Variants in PDE10A observed in about 807,000 individuals in gnomAD.
The protein encoded by PDE10A is cAMP and cAMP-inhibited cGMP 3',5'-cyclic phosphodiesterase 10A.
PDE10A carries 39 observed loss-of-function variants against 97.7 expected under a neutral mutation model. The ratio of observed to expected loss-of-function variants is 0.40; its 90% CI spans 0.31 to 0.52. The LOEUF (loss-of-function observed/expected upper bound fraction) is 0.52. Among genes scored for constraint, PDE10A ranks in the 20% least tolerant of loss-of-function variants. The pLI, the probability that PDE10A is intolerant of heterozygous loss-of-function variation, is 0.56. For synonymous variants in PDE10A, 371 were observed against 376.8 expected (o/e 0.98, Z 0.18); for missense variants, 731 against 1,047.8 (o/e 0.70, Z 4.17).
At chr6:165,539,060 T>G (rs1382329739) in intron 2 of PDE10A, among the ~76,000 whole-genome samples, 1 of 152,184 alleles carries the variant, frequency 6.6e-6, no homozygotes, top group Admixed American at 6.5e-5. Flanking sequence ...TATTTTCTTC[T>G]GAGGATGTAT....
chr6:165,632,200 CAA>C (rs71552885), intron 1 of PDE10A, among the ~76,000 whole-genome samples: 67 of 67,272 alleles, frequency 1.0e-3, no homozygotes, highest in African/African-American at 3.5e-3. Flanking sequence ...GAGTCCATCT[CAA>C]AAAAAAAAAA....
At chr6:165,607,733 A>C (rs144447989) in intron 1 of PDE10A, among the ~76,000 whole-genome samples, 1 of 152,334 alleles carries the variant, frequency 6.6e-6, no homozygotes, top group South Asian at 2.1e-4. Flanking sequence ...GTTGGATAAC[A>C]TTTTGGAGAT....
At chr6:165,369,457 T>A (rs1224125411) in intron 18 of PDE10A, among the ~76,000 whole-genome samples, 1 of 150,682 alleles carries the variant, frequency 6.6e-6, no homozygotes, top group East Asian at 1.9e-4. Context: ...GCTGATGCGA[T>A]CAACTGGAAG....
intron 12 of PDE10A, among the ~76,000 whole-genome samples, chr6:165,414,155 A>G (rs220748): frequency 0.24 from 36,586 of 152,150 alleles, 4,905 homozygotes; most frequent in African/African-American, 0.35. Context: ...CCAGGGGCCA[A>G]ATCAGCCCTC....
At chr6:165,725,183 A>T (rs4709973) in intron 1 of PDE10A, among the ~76,000 whole-genome samples, 1 of 152,010 alleles carries the variant, frequency 6.6e-6, no homozygotes, top group African/African-American at 2.4e-5. Context: ...ATAAAACCTC[A>T]CACTCATTCT....
chr6:165,350,635 C>T (rs923275733), intron 18 of PDE10A, among the ~76,000 whole-genome samples: 1 of 152,150 alleles, frequency 6.6e-6, no homozygotes, highest in Non-Finnish European at 1.5e-5. Context: ...TATGGTTTGG[C>T]TGTGTCCCCA....
chr6:165,808,391 C>T (rs1377753537), intron 1 of PDE10A, among the ~76,000 whole-genome samples: 1 of 152,150 alleles, frequency 6.6e-6, no homozygotes, highest in African/African-American at 2.4e-5. Context: ...ACACAGACAG[C>T]GGGTGATGTC....
At chr6:165,746,538 A>G (rs930730709) in intron 1 of PDE10A, among the ~76,000 whole-genome samples, 2 of 152,252 alleles carry the variant, frequency 1.3e-5, no homozygotes, top group Non-Finnish European at 2.9e-5. Flanking sequence ...ATACCCATTC[A>G]GTAGTGAGGG....
intron 2 of PDE10A, among the ~76,000 whole-genome samples, chr6:165,484,372 T>C (rs763137509): frequency 2.0e-5 from 3 of 152,224 alleles, no homozygotes; most frequent in African/African-American, 4.8e-5. Flanking sequence ...CGAAGCTTCA[T>C]CCGTATTCAC....
At chr6:165,659,787 A>T (rs1388183335) in intron 1 of PDE10A, among the ~76,000 whole-genome samples, 1 of 152,096 alleles carries the variant, frequency 6.6e-6, no homozygotes, top group Non-Finnish European at 1.5e-5. Flanking sequence ...CTCTCCAGGT[A>T]TTGTGTTCCT....
chr6:165,390,263 A>G (rs1785607523), intron 16 of PDE10A, among the ~76,000 whole-genome samples: 1 of 152,214 alleles, frequency 6.6e-6, no homozygotes. Flanking sequence ...GACACTGAGC[A>G]CTAACCCTTG....
intron 1 of PDE10A, among the ~76,000 whole-genome samples, chr6:165,737,365 G>A (rs567559732): frequency 1.4e-4 from 21 of 152,244 alleles, no homozygotes; most frequent in Non-Finnish European, 2.1e-4. Context: ...CAATATCCCC[G>A]ATGAACATAT....
intron 16 of PDE10A, among the ~76,000 whole-genome samples, chr6:165,389,410 T>A (rs1481889248): frequency 6.6e-6 from 1 of 152,174 alleles, no homozygotes; most frequent in African/African-American, 2.4e-5. Context: ...GATTAAAGTC[T>A]GGATGCATTT....
At chr6:165,366,012 G>T (rs1243647234) in intron 18 of PDE10A, among the ~76,000 whole-genome samples, 2 of 152,080 alleles carry the variant, frequency 1.3e-5, no homozygotes, top group Non-Finnish European at 2.9e-5. Flanking sequence ...AAATTAAGGA[G>T]TGGCACAAAA....
chr6:165,666,764 T>C (rs1172402645), upstream of PDE10A, among the ~76,000 whole-genome samples: 3 of 152,162 alleles, frequency 2.0e-5, no homozygotes, highest in East Asian at 5.8e-4. Context: ...TCCTGGAACT[T>C]ATGTATTTTA....
intron 20 of PDE10A, among the ~76,000 whole-genome samples, chr6:165,337,902 C>G (rs1003439335): frequency 3.3e-5 from 5 of 152,106 alleles, no homozygotes; most frequent in African/African-American, 1.2e-4. Flanking sequence ...GTCAATAAAT[C>G]AAATGGAAAG....
chr6:165,523,895 T>C (rs989309968), intron 2 of PDE10A, among the ~76,000 whole-genome samples: 2 of 152,182 alleles, frequency 1.3e-5, no homozygotes, highest in Non-Finnish European at 2.9e-5. Flanking sequence ...TGTGAGGGTG[T>C]TGTCAAAGGA....
At chr6:165,355,506 A>G (rs1782968223) in intron 18 of PDE10A, among the ~76,000 whole-genome samples, 1 of 152,202 alleles carries the variant, frequency 6.6e-6, no homozygotes, top group Non-Finnish European at 1.5e-5. Flanking sequence ...TGATTCAACC[A>G]TGTTGTCTCA....
chr6:165,863,917 G>A (rs1197476061), intron 1 of PDE10A, among the ~76,000 whole-genome samples: 1 of 152,210 alleles, frequency 6.6e-6, no homozygotes, highest in East Asian at 1.9e-4. Flanking sequence ...CCAACTTGAA[G>A]CATGGCTGTA....
Sources: allele counts gnomAD v4.1 joint callset (sites outside exome capture counted in the v4.1 genomes callset), GRCh38; gene constraint gnomAD v4.1.1; transcripts MANE v1.5; gene names NCBI Gene and HGNC (gene_info 2026-07-23, HGNC 2026-07-21).